L3MBTL4: variants seen among roughly 807,000 people sequenced by gnomAD.
L3MBTL4 encodes lethal(3)malignant brain tumor-like protein 4.
A neutral mutation model predicts 84.5 loss-of-function variants in L3MBTL4; 70 were observed. That is an observed-to-expected ratio of 0.83 (90% CI 0.68 to 1.01). L3MBTL4 has a LOEUF of 1.01. Ranked by LOEUF, L3MBTL4 falls within the 50% of genes least tolerant of loss-of-function variation. The pLI, the probability that L3MBTL4 is intolerant of heterozygous loss-of-function variation, is 0.00. For synonymous variants in L3MBTL4, 274 were observed against 259.8 expected, an observed-to-expected ratio of 1.05 and a Z score of -0.52; for missense variants, 715 against 754.8, an observed-to-expected ratio of 0.95 and a Z score of 0.62.
At chr18:6,025,671 G>C (rs2145550513) in intron 16 of L3MBTL4, among the ~76,000 whole-genome samples, 1 of 152,304 alleles carries the variant, frequency 6.6e-6, no homozygotes, top group East Asian at 1.9e-4. Flanking sequence ...ACAGACAGGG[G>C]CTTGGGCGAG....
At chr18:6,349,508 C>T (rs1020410843) in intron 1 of L3MBTL4, among the ~76,000 whole-genome samples, 2 of 152,100 alleles carry the variant, frequency 1.3e-5, no homozygotes, top group African/African-American at 2.4e-5. Flanking sequence ...GTGGGAGGAT[C>T]GCTTGAGGCC....
At chr18:6,343,997 G>GAA (rs34939798) in intron 1 of L3MBTL4, among the ~76,000 whole-genome samples, 17,852 of 105,924 alleles carry the variant, frequency 0.17, 1,514 homozygotes, top group African/African-American at 0.24. Flanking sequence ...GGAGCTAGAG[G>GAA]AAAAAAAAAA....
intron 16 of L3MBTL4, among the ~76,000 whole-genome samples, chr18:6,016,742 A>T (rs1229064357): frequency 6.6e-6 from 1 of 152,228 alleles, no homozygotes; most frequent in Non-Finnish European, 1.5e-5. Context: ...TGATAAACAA[A>T]TAGGAGAACA....
At chr18:6,070,037 G>A (rs957601186) in intron 16 of L3MBTL4, among the ~76,000 whole-genome samples, 1 of 151,942 alleles carries the variant, frequency 6.6e-6, no homozygotes, top group Non-Finnish European at 1.5e-5. Context: ...AAAAACGGAG[G>A]GGAAATAATG....
chr18:6,030,086 C>T (rs974391576), intron 16 of L3MBTL4: 15 of 982,672 alleles, frequency 1.5e-5, no homozygotes, highest in South Asian at 4.7e-5. Context: ...CTAAAGGACA[C>T]GAGGAAACTG....
chr18:6,030,875 T>A, intron 16 of L3MBTL4: 2 of 985,216 alleles, frequency 2.0e-6, no homozygotes, highest in Non-Finnish European at 1.2e-6. Context: ...CTGTAGGATA[T>A]AAACAACCAG....
chr18:6,212,762 A>G (rs535776534), intron 12 of L3MBTL4, among the ~76,000 whole-genome samples: 21 of 152,362 alleles, frequency 1.4e-4, no homozygotes, highest in Admixed American at 9.1e-4. Flanking sequence ...CAAACAGAAA[A>G]GTATTAGAAT....
At chr18:6,343,578 C>A (rs952291849) in intron 1 of L3MBTL4, among the ~76,000 whole-genome samples, 1 of 150,220 alleles carries the variant, frequency 6.7e-6, no homozygotes, top group Non-Finnish European at 1.5e-5. Flanking sequence ...AGGAGAATGG[C>A]GTGAACCCAA....
chr18:6,331,551 G>A (rs746284720), intron 1 of L3MBTL4, among the ~76,000 whole-genome samples: 20 of 152,108 alleles, frequency 1.3e-4, no homozygotes, highest in African/African-American at 2.4e-5. Flanking sequence ...CAACCTAAGT[G>A]TCATAAGAAG....
At chr18:6,058,021 C>G (rs1039191554) in intron 16 of L3MBTL4, among the ~76,000 whole-genome samples, 1 of 152,140 alleles carries the variant, frequency 6.6e-6, no homozygotes, top group Non-Finnish European at 1.5e-5. Context: ...TGACTTAACT[C>G]AAGTATGCTG....
chr18:6,190,829 A>G (rs2045044526), intron 12 of L3MBTL4, among the ~76,000 whole-genome samples: 1 of 152,194 alleles, frequency 6.6e-6, no homozygotes, highest in African/African-American at 2.4e-5. Flanking sequence ...GATAGGCTTA[A>G]AAGAGGTGTG....
At chr18:6,300,186 TG>T (rs2050276939) in intron 4 of L3MBTL4, among the ~76,000 whole-genome samples, 1 of 152,224 alleles carries the variant, frequency 6.6e-6, no homozygotes, top group Non-Finnish European at 1.5e-5. Flanking sequence ...GTAAGCAATT[TG>T]GAAATTAGTT....
At chr18:6,022,848 C>T (rs140540267) in intron 16 of L3MBTL4, among the ~76,000 whole-genome samples, 11 of 152,328 alleles carry the variant, frequency 7.2e-5, no homozygotes, top group Non-Finnish European at 1.5e-4. Flanking sequence ...TTTGTGCCTT[C>T]TGTACAAAGG....
At chr18:6,250,529 T>G (rs1243621182) in intron 5 of L3MBTL4, among the ~76,000 whole-genome samples, 1 of 151,994 alleles carries the variant, frequency 6.6e-6, no homozygotes. Flanking sequence ...GCTCAAGTGA[T>G]ATAGCTGCAA....
intron 12 of L3MBTL4, among the ~76,000 whole-genome samples, chr18:6,180,185 T>A (rs1189471547): frequency 1.3e-5 from 2 of 151,908 alleles, no homozygotes; most frequent in African/African-American, 4.8e-5. Flanking sequence ...CCACATTCAG[T>A]CCATCTGCTT....
chr18:6,320,924 C>A (rs139919099), intron 1 of L3MBTL4, among the ~76,000 whole-genome samples: 179 of 151,956 alleles, frequency 1.2e-3, no homozygotes, highest in African/African-American at 4.0e-3. Flanking sequence ...AATAGAGAAC[C>A]CAGAAATAAA....
intron 16 of L3MBTL4, among the ~76,000 whole-genome samples, chr18:6,008,970 G>T (rs1051503900): frequency 6.6e-6 from 1 of 152,182 alleles, no homozygotes; most frequent in African/African-American, 2.4e-5. Context: ...AGTGGGATGG[G>T]AATTACTTAT....
chr18:6,356,150 A>G (rs188941868), intron 1 of L3MBTL4, among the ~76,000 whole-genome samples: 1 of 152,306 alleles, frequency 6.6e-6, no homozygotes, highest in East Asian at 1.9e-4. Flanking sequence ...AAAATCCAAA[A>G]TAATTCTGTA....
intron 18 of L3MBTL4, among the ~76,000 whole-genome samples, chr18:5,957,883 T>C (rs967300433): frequency 1.3e-5 from 2 of 150,244 alleles, no homozygotes; most frequent in Admixed American, 1.3e-4. Context: ...TTGCTTGAAC[T>C]TGGGAGGCAG....
Sources: gnomAD v4.1 joint callset for allele counts (sites outside exome capture counted in the v4.1 genomes callset) on GRCh38, gnomAD v4.1.1 for gene constraint, MANE v1.5 for transcripts, NCBI Gene and HGNC (gene_info 2026-07-23, HGNC 2026-07-21) for gene names.